TERF1: variants seen among roughly 807,000 people sequenced by gnomAD.
The protein encoded by TERF1 is telomeric repeat-binding factor 1.
TERF1 carries 20 observed loss-of-function variants against 55.1 expected under a neutral mutation model. The ratio of observed to expected loss-of-function variants is 0.36; its 90% confidence interval spans 0.26 to 0.53. TERF1 has a LOEUF of 0.53. Ranked by LOEUF, TERF1 falls within the 20% of genes least tolerant of loss-of-function variation. The pLI is 0.91. For missense variants in TERF1, 439 were observed against 535.7 expected (o/e 0.82, Z 1.78); for synonymous variants, 168 against 181.2 (o/e 0.93, Z 0.59).
chr8:73,042,476 T>G (rs935305300), intron 9 of TERF1, among the ~76,000 whole-genome samples: 1 of 151,952 alleles, frequency 6.6e-6, no homozygotes, highest in African/African-American at 2.4e-5. Flanking sequence ...AAAAAAAAAC[T>G]TACGGCAATA....
intron 2 of TERF1, among the ~76,000 whole-genome samples, chr8:73,014,739 C>T (rs1350545450): frequency 6.6e-6 from 1 of 152,184 alleles, no homozygotes; most frequent in Non-Finnish European, 1.5e-5. Flanking sequence ...GAAGTGTTGT[C>T]TTACATAAAA....
In TERF1 at chr8:73,047,200, A is replaced by T. The variant is rs1175972935; in HGVS notation, c.*1063A>T. On this transcript the variant is annotated 3_prime_UTR_variant, in exon 10 of 10. Coordinates refer to ENST00000276603, the MANE Select transcript of TERF1 (RefSeq NM_017489.3). Reference sequence around the variant, plus strand: ...AAATAAAAATCGAAATAATTTTTTTAAAAAAGAAAAAGACAATAGTATTAC... The same window carrying T: ...AAATAAAAATCGAAATAATTTTTTTTAAAAAGAAAAAGACAATAGTATTAC... 2 of 152,288 alleles carry T rather than the reference A, an allele frequency of 1.3e-5. No homozygotes were observed. Among genetic ancestry groups the T allele is most frequent in the East Asian group, 1.9e-4 (1 of 5,192 alleles). 9.4% of individuals were successfully genotyped at this position (152,288 alleles called of 1,614,324 possible). A position where few individuals can be genotyped will look rare whatever the true frequency, so the allele number is the denominator to read the frequency against.
chr8:73,022,670 G>A (rs561274208), intron 4 of TERF1, among the ~76,000 whole-genome samples: 21 of 152,100 alleles, frequency 1.4e-4, no homozygotes, highest in South Asian at 2.1e-4. Flanking sequence ...AAAGAGGCCC[G>A]GTGCAATAGC....
At chr8:73,023,656 ATGGCCAGGAAAT>A (rs1215872935) in intron 4 of TERF1, among the ~76,000 whole-genome samples, 3 of 152,190 alleles carry the variant, frequency 2.0e-5, no homozygotes, top group African/African-American at 7.2e-5. Context: ...GGAAAACTTA[ATGGCCAGGAAAT>A]ATTAAGAGGT....
intron 9 of TERF1, among the ~76,000 whole-genome samples, 166 bp downstream of exon 9, chr8:73,039,385 A>G (rs1377411792): frequency 1.3e-5 from 2 of 152,204 alleles, no homozygotes; most frequent in Non-Finnish European, 2.9e-5. Flanking sequence ...CAGCCTATTC[A>G]AAATGAAATA....
At chr8:73,028,595 T>TTA (rs397758863) in intron 6 of TERF1, among the ~76,000 whole-genome samples, 10 of 149,220 alleles carry the variant, frequency 6.7e-5, no homozygotes, top group South Asian at 4.3e-4. Flanking sequence ...TTTTTTTTTT[T>TTA]ACATACAGTC....
At chr8:73,036,244 T>C (rs1809501712) in intron 8 of TERF1, among the ~76,000 whole-genome samples, 1 of 152,200 alleles carries the variant, frequency 6.6e-6, no homozygotes. Context: ...CTGGTCATCA[T>C]GTTGTGGTTT....
intron 9 of TERF1, among the ~76,000 whole-genome samples, chr8:73,042,488 C>T (rs1204772123): frequency 6.6e-6 from 1 of 151,944 alleles, no homozygotes; most frequent in Non-Finnish European, 1.5e-5. Flanking sequence ...ACGGCAATAG[C>T]CCATGTCTAC....
chr8:73,036,688 G>A (rs530129210), intron 8 of TERF1, among the ~76,000 whole-genome samples: 10 of 151,060 alleles, frequency 6.6e-5, no homozygotes, highest in African/African-American at 1.9e-4. Flanking sequence ...CTGTGCACCC[G>A]CCTACCACAT....
At chr8:73,039,770 GGTGTGTGT>G (rs35184446) in intron 9 of TERF1, among the ~76,000 whole-genome samples, 2,511 of 136,418 alleles carry the variant, frequency 0.018, 78 homozygotes, top group African/African-American at 0.061. Flanking sequence ...TTGTTTTTGT[GGTGTGTGT>G]GTGTGTGTGT....
rs1213031208 is a variant in TERF1 at position 73,027,059 on chromosome 8, A to C, written c.887+7A>C. 4 of 1,578,950 alleles carry C rather than the reference A, an allele frequency of 2.5e-6. No homozygotes were observed. The African/African-American group carries it at 5.4e-5, about 21-fold the overall frequency. ...ATTTGGATACAAGAAAAAGGTTTGT[A>C]ATTTAATCAATTTGTATATTTTTTG... is the stretch of plus-strand genomic sequence containing the variant. On this transcript the variant is annotated splice_region_variant and intron_variant, in intron 6 of 9. Coordinates refer to ENST00000276603, the MANE Select transcript of TERF1 (RefSeq NM_017489.3).
At chr8:73,018,751 T>C (rs1775610458) in intron 2 of TERF1, among the ~76,000 whole-genome samples, 1 of 152,220 alleles carries the variant, frequency 6.6e-6, no homozygotes, top group African/African-American at 2.4e-5. Flanking sequence ...GCTATGGAAC[T>C]ACAACTGTGC....
rs964355700 is a variant in TERF1 at position 73,046,307 on chromosome 8, A to G, written c.*170A>G. 8.8e-6 allele frequency: 4 copies of G among 453,142 alleles called. No homozygotes were observed. Among genetic ancestry groups the G allele is most frequent in the African/African-American group, 4.1e-5 (2 of 49,036 alleles). The allele number at this position is 453,142 out of a possible 1,614,324, so 28.1% of individuals were successfully genotyped here. A position where few individuals can be genotyped will look rare whatever the true frequency, so the allele number is the denominator to read the frequency against. On this transcript the variant is annotated 3_prime_UTR_variant, in exon 10 of 10. Transcript: ENST00000276603. Reference sequence around the variant, plus strand: ...TGCTACCAGAGTTAAAGCATATGCTATCATTGTATTCTTTAAGAACCTTAT... The same window carrying G: ...TGCTACCAGAGTTAAAGCATATGCTGTCATTGTATTCTTTAAGAACCTTAT...
In TERF1 at chr8:73,032,224, C is replaced by T. The variant is rs35034626; in HGVS notation, c.1039+91C>T. On this transcript the variant is annotated intron_variant, in intron 8 of 9. Coordinates refer to ENST00000276603, the MANE Select transcript of TERF1 (RefSeq NM_017489.3). ...ACTTTACCACTATAGCAAAAAAACA[C>T]ACACTTCAGAAAACTGAAGCACAAA... The T allele has an allele frequency of 1.4e-3, 1,181 of 844,538 alleles. 6 individuals are homozygous for T. In the African/African-American group the frequency reaches 0.019, roughly 13 times the overall value. 52.3% of individuals were successfully genotyped at this position (844,538 alleles called of 1,614,324 possible).
chr8:73,030,952 GATGGTAT>G (rs1262887442), intron 7 of TERF1: 2 of 152,314 alleles, frequency 1.3e-5, no homozygotes, highest in Non-Finnish European at 2.9e-5. Flanking sequence ...GAGAGGCCAA[GATGGTAT>G]ATGAATTGTC....
At chr8:73,020,005 G>T (rs56107348) in intron 2 of TERF1, among the ~76,000 whole-genome samples, 5 of 152,184 alleles carry the variant, frequency 3.3e-5, no homozygotes, top group Admixed American at 2.6e-4. Flanking sequence ...TAGCATGTGC[G>T]TATCATAAGA....
intron 2 of TERF1, 111 bp downstream of exon 2, chr8:73,014,101 C>A: frequency 1.2e-6 from 1 of 802,116 alleles, no homozygotes; most frequent in Non-Finnish European, 2.1e-6. Flanking sequence ...GTGTCTGGTG[C>A]ATAGGGGTGT....
intron 6 of TERF1, chr8:73,029,893 A>T (rs1340014756): frequency 1.3e-5 from 2 of 152,734 alleles, no homozygotes; most frequent in Admixed American, 6.5e-5. Flanking sequence ...AACTATAACA[A>T]ACGGGAACTT....
chr8:73,028,570 C>CA (rs1809127082), intron 6 of TERF1, among the ~76,000 whole-genome samples: 11 of 94,074 alleles, frequency 1.2e-4, no homozygotes, highest in African/African-American at 3.6e-4. Context: ...TACGTAGACC[C>CA]ATTTTTTTTT....
Sources: allele counts gnomAD v4.1 joint callset (sites outside exome capture counted in the v4.1 genomes callset), GRCh38; gene constraint gnomAD v4.1.1; transcripts MANE v1.5; gene names NCBI Gene and HGNC (gene_info 2026-07-23, HGNC 2026-07-21).